LRRC74A: variants seen among roughly 807,000 people sequenced by gnomAD.
LRRC74A encodes the protein leucine-rich repeat-containing protein 74A.
Under a neutral mutation model 57.9 loss-of-function variants are expected in LRRC74A, and 44 were observed. The observed-to-expected ratio is 0.76, with a 90% CI of 0.60 to 0.98. The LOEUF (loss-of-function observed/expected upper bound fraction) is 0.98. Among genes scored for constraint, LRRC74A ranks in the 50% least tolerant of loss-of-function variants. The pLI, the probability that LRRC74A is intolerant of heterozygous loss-of-function variation, is 0.00. For missense variants in LRRC74A, 572 were observed against 574.0 expected (o/e 1.00, Z 0.04); for synonymous variants, 211 against 219.4 (o/e 0.96, Z 0.34).
rs543785550 is a variant in LRRC74A, at chr14:76,860,804, ATCT to A, written c.1170_1172del (p.Phe390del). 1 of 1,611,006 alleles carries A rather than the reference ATCT, an allele frequency of 6.2e-7. No homozygotes were observed. Among genetic ancestry groups the A allele is most frequent in the Non-Finnish European group, 8.5e-7 (1 of 1,178,066 alleles). On this transcript the variant is annotated inframe_deletion, in exon 11 of 14. Coordinates refer to ENST00000689127, the MANE Select transcript of LRRC74A (RefSeq NM_001385106.1). ...ACAAGGCCTCTCTCCCAAGAAAACC[ATCT>A]TCTTGTTGACAAACCCCATGAAACT...
chr14:76,865,446 A>T (rs1331398315), intron 11 of LRRC74A, among the ~76,000 whole-genome samples: 1 of 152,216 alleles, frequency 6.6e-6, no homozygotes, highest in East Asian at 1.9e-4. Flanking sequence ...CTAACAAAGT[A>T]TGTTTCCATA....
chr14:76,831,827 C>T (rs10483879), intron 3 of LRRC74A, among the ~76,000 whole-genome samples: 9,484 of 152,142 alleles, frequency 0.062, 525 homozygotes, highest in Admixed American at 0.17. Flanking sequence ...ATAAAGACCA[C>T]GGTGTAGAGT....
intron 9 of LRRC74A, among the ~76,000 whole-genome samples, 196 bp from the exon 10 acceptor site, chr14:76,857,168 AGATGGATGGATGAATG>A (rs1897963127): frequency 6.9e-6 from 1 of 144,398 alleles, no homozygotes; most frequent in African/African-American, 2.6e-5. Context: ...ATGGGTGGGT[AGATGGATGGATGAATG>A]GATGGATGGA....
Position 76,860,802 on chromosome 14 carries a change from C to T in LRRC74A, c.1163C>T (p.Thr388Ile), listed in dbSNP as rs61733959. Residue 388 changes from threonine to isoleucine, a missense_variant, in exon 11 of 14, where the codon ACC (threonine) becomes ATC (isoleucine). Physicochemically the swap from Thr to Ile is moderately conservative, Grantham distance 89 (BLOSUM62 -1). Transcript: ENST00000689127. ...KAVQGLSPKKTIFLLTNPMKL... is the reference protein window; with the variant it reads ...KAVQGLSPKKIIFLLTNPMKL... ...GTACAAGGCCTCTCTCCCAAGAAAA[C>T]CATCTTCTTGTTGACAAACCCCATG... is the stretch of plus-strand genomic sequence containing the variant. The T allele has an allele frequency of 1.9e-5, 31 of 1,610,960 alleles. No homozygotes were observed. The African/African-American group carries it at 4.1e-4, about 22-fold the overall frequency.
rs1555363531 is a variant in LRRC74A at position 76,828,510 on chromosome 14, C to T, written c.166+91C>T. ...CAGGAGCTGTCATCTCACTCCTTTC[C>T]AGAGTCTGCCCTGCGGATGGCCTGT... On this transcript the variant is annotated intron_variant, in intron 2 of 13. Coordinates refer to ENST00000689127, the MANE Select transcript of LRRC74A (RefSeq NM_001385106.1). The T allele has an allele frequency of 1.5e-5, 24 of 1,579,716 alleles. No individual in the cohort carries two copies. In the South Asian group the frequency reaches 2.2e-4, roughly 15 times the overall value.
chr14:76,868,466 C>G (rs1485480982), intron 13 of LRRC74A, among the ~76,000 whole-genome samples: 2 of 152,166 alleles, frequency 1.3e-5, no homozygotes, highest in African/African-American at 2.4e-5. Flanking sequence ...GAGACCCTGT[C>G]TCAAAAATAA....
At position 76,867,682 on chromosome 14, in the gene LRRC74A, G is replaced by T. The variant is rs115365139; in HGVS notation, c.1391+244G>T. Among the ~76,000 whole-genome samples, 658 of 152,254 alleles carry T rather than the reference G, an allele frequency of 4.3e-3. 3 individuals are homozygous for T. The highest frequency in any genetic ancestry group is 0.015 in the African/African-American group (631 of 41,534). ...TGGGCCGGATGCTGGGGATGCCAGC[G>T]GGAGGAGCCGGAGCCCACACTCACA... On this transcript the variant is annotated intron_variant, in intron 13 of 13. Transcript: ENST00000689127.
At chr14:76,844,542 C>CT in intron 6 of LRRC74A, 70 bp downstream of exon 6, 1 of 1,473,626 alleles carries the variant, frequency 6.8e-7, no homozygotes, top group Non-Finnish European at 9.4e-7. Flanking sequence ...CCTGGGGCTG[C>CT]TATGGGCACA....
At position 76,836,230 on chromosome 14, in the gene LRRC74A, G is replaced by A; in HGVS notation, c.363G>A (p.Leu121=). The A allele has an allele frequency of 6.2e-7, 1 of 1,613,802 alleles. No individual in the cohort carries two copies. The highest frequency in any genetic ancestry group is 1.7e-5 in the Admixed American group (1 of 60,012). Residue 121 remains leucine, a synonymous_variant, in exon 4 of 14, where the codon CTG becomes CTA. Transcript: ENST00000689127. ...AGTCCAACATGGCTGTTACCAAACTGGAGCTGGAAGACAATTGCATCATGG... is the reference window on the plus strand; with the variant it reads ...AGTCCAACATGGCTGTTACCAAACTAGAGCTGGAAGACAATTGCATCATGG... The part of the protein sequence containing the change: ...ALVSNMAVTK[L]ELEDNCIMEE...
At chr14:76,868,595 A>G (rs1899146779) in intron 13 of LRRC74A, among the ~76,000 whole-genome samples, 1 of 152,110 alleles carries the variant, frequency 6.6e-6, no homozygotes, top group African/African-American at 2.4e-5. Flanking sequence ...CCCAGCCCAG[A>G]CGAAGGACAC....
chr14:76,829,001 A>G, intron 2 of LRRC74A: 2 of 1,288,826 alleles, frequency 1.6e-6, no homozygotes, highest in Non-Finnish European at 2.0e-6. Context: ...TTCTTGATAA[A>G]TCTAAGCATG....
rs141501598 is a variant in LRRC74A, at chr14:76,867,287, T to TG, written c.1309-62dup. The TG allele has an allele frequency of 0.014, 5,377 of 386,280 alleles. 440 individuals carry two copies. The African/African-American group carries it at 0.22, about 16-fold the overall frequency. 23.9% of individuals were successfully genotyped at this position (386,280 alleles called of 1,614,324 possible). A position where few individuals can be genotyped will look rare whatever the true frequency, so the allele number is the denominator to read the frequency against. On this transcript the variant is annotated intron_variant, in intron 12 of 13. Coordinates refer to ENST00000689127, the MANE Select transcript of LRRC74A (RefSeq NM_001385106.1). Reference sequence around the variant, plus strand: ...GTGTGTGTTGGGGGGGTAGTGTGTTTGGGGGGGTGTGCCTAGGGAGGGGTG... The same window carrying TG: ...GTGTGTGTTGGGGGGGTAGTGTGTTTGGGGGGGGTGTGCCTAGGGAGGGGTG...
intron 9 of LRRC74A, among the ~76,000 whole-genome samples, chr14:76,854,170 G>T (rs986031314): frequency 6.6e-5 from 10 of 152,192 alleles, no homozygotes; most frequent in Admixed American, 6.5e-4. Context: ...CTTGCTTGCT[G>T]CTGGGATCCT....
intron 1 of LRRC74A, among the ~76,000 whole-genome samples, chr14:76,828,009 G>T (rs1386238837): frequency 6.6e-6 from 1 of 152,168 alleles, no homozygotes; most frequent in Non-Finnish European, 1.5e-5. Context: ...GCAAGGAGCC[G>T]ATCTCCAAGG....
chr14:76,848,124 G>C (rs1897224659), intron 7 of LRRC74A, among the ~76,000 whole-genome samples: 1 of 146,118 alleles, frequency 6.8e-6, no homozygotes, highest in African/African-American at 2.5e-5. Context: ...AGTAAGATGA[G>C]ATCCTGGGGT....
intron 7 of LRRC74A, among the ~76,000 whole-genome samples, chr14:76,850,740 C>T (rs564230405): frequency 3.3e-5 from 5 of 151,264 alleles, no homozygotes; most frequent in African/African-American, 7.3e-5. Flanking sequence ...TGGTGGCAGG[C>T]GCCTATAATC....
intron 6 of LRRC74A, among the ~76,000 whole-genome samples, 169 bp from the exon 7 acceptor site, chr14:76,844,651 A>C (rs888240665): frequency 1.3e-5 from 2 of 152,150 alleles, no homozygotes; most frequent in Non-Finnish European, 2.9e-5. Flanking sequence ...TTTATATGGC[A>C]CTAAGTTCTC....
chr14:76,837,752 C>A, intron 4 of LRRC74A, 123 bp from the exon 5 acceptor site: 1 of 569,924 alleles, frequency 1.8e-6, no homozygotes. Context: ...TCCTCCTAAT[C>A]CTTTCCCACC....
At chr14:76,827,365 G>T (rs1334076655) in intron 1 of LRRC74A, among the ~76,000 whole-genome samples, 1 of 152,156 alleles carries the variant, frequency 6.6e-6, no homozygotes, top group African/African-American at 2.4e-5. Flanking sequence ...GAATCTGGGT[G>T]GTCAAAACTT....
Sources: allele counts gnomAD v4.1 joint callset (sites outside exome capture counted in the v4.1 genomes callset), GRCh38; gene constraint gnomAD v4.1.1; transcripts MANE v1.5; gene names NCBI Gene and HGNC (gene_info 2026-07-23, HGNC 2026-07-21).